HCN1: variants seen among roughly 807,000 people sequenced by gnomAD.
The protein encoded by HCN1 is potassium/sodium hyperpolarization-activated cyclic nucleotide-gated channel 1.
A neutral mutation model predicts 78.9 loss-of-function variants in HCN1; 13 were observed. That is an observed-to-expected ratio of 0.16 (90% CI 0.11 to 0.26). The LOEUF is 0.26. Ranked by LOEUF, HCN1 falls within the 10% of genes least tolerant of loss-of-function variation. HCN1 has a pLI of 1.00. For synonymous variants in HCN1, 552 were observed against 455.5 expected (o/e 1.21, Z -2.70); for missense variants, 810 against 1,154.3 (o/e 0.70, Z 4.32).
intron 4 of HCN1, among the ~76,000 whole-genome samples, chr5:45,374,227 A>ATTATG (rs1747540527): frequency 3.4e-5 from 4 of 118,502 alleles, no homozygotes; most frequent in South Asian, 2.6e-4. Context: ...TGTACATTAT[A>ATTATG]TACATAACAT....
chr5:45,593,338 T>A (rs5001570), intron 2 of HCN1, among the ~76,000 whole-genome samples: 23,208 of 119,002 alleles, frequency 0.2, 1,932 homozygotes, highest in Middle Eastern at 0.29. Context: ...TCTCTCTCTC[T>A]CTCACACACA....
intron 2 of HCN1, among the ~76,000 whole-genome samples, chr5:45,522,965 G>A (rs759031992): frequency 2.0e-5 from 3 of 151,586 alleles, no homozygotes; most frequent in Admixed American, 6.6e-5. Context: ...CCATCAACTC[G>A]TCATTTAGCA....
At chr5:45,649,875 TTTC>T (rs1745644016) in intron 1 of HCN1, among the ~76,000 whole-genome samples, 1 of 152,130 alleles carries the variant, frequency 6.6e-6, no homozygotes, top group African/African-American at 2.4e-5. Flanking sequence ...TAAATAATAA[TTTC>T]TTATTTGTCT....
chr5:45,619,810 G>A lies in HCN1; in HGVS notation c.849+25375C>T, dbSNP rs142562566. Among the ~76,000 whole-genome samples, 761 of 151,970 alleles carry A rather than the reference G, an allele frequency of 5.0e-3. 4 individuals carry two copies. The highest frequency in any genetic ancestry group is 0.018 in the African/African-American group (726 of 41,468). The stretch of plus-strand genomic sequence containing the variant: ...TAATTAATGTGGTGATTTGAACTCA[G>A]GCCCACAAATTCTTTGATATTCCTC... On this transcript the variant is annotated intron_variant, in intron 2 of 7. Coordinates refer to ENST00000303230, the MANE Select transcript of HCN1 (RefSeq NM_021072.4).
chr5:45,598,500 C>T (rs1017415791), intron 2 of HCN1, among the ~76,000 whole-genome samples: 24 of 152,024 alleles, frequency 1.6e-4, no homozygotes, highest in Non-Finnish European at 2.9e-4. Context: ...TCAGGACATA[C>T]GCATGGGCAA....
intron 2 of HCN1, among the ~76,000 whole-genome samples, chr5:45,529,939 G>T (rs925798635): frequency 6.6e-6 from 1 of 152,004 alleles, no homozygotes; most frequent in Non-Finnish European, 1.5e-5. Flanking sequence ...GTATTGTGTG[G>T]TTATTTTAGA....
At chr5:45,677,545 T>C (rs1390963971) in intron 1 of HCN1, among the ~76,000 whole-genome samples, 2 of 151,988 alleles carry the variant, frequency 1.3e-5, no homozygotes, top group Admixed American at 6.6e-5. Context: ...GTGTGTGTTA[T>C]ATTTAAAAAG....
chr5:45,611,250 C>G (rs1204090175), intron 2 of HCN1, among the ~76,000 whole-genome samples: 1 of 110,476 alleles, frequency 9.1e-6, no homozygotes, highest in Admixed American at 9.2e-5. Flanking sequence ...TGAGATTTTT[C>G]TTTTTTTTTT....
At chr5:45,643,990 TAAG>T (rs1745501474) in intron 2 of HCN1, 1 of 152,166 alleles carries the variant, frequency 6.6e-6, no homozygotes, top group Non-Finnish European at 1.5e-5. Flanking sequence ...ATCTATATTT[TAAG>T]AATGATCCAT....
At chr5:45,692,019 G>A (rs748583793) in intron 1 of HCN1, among the ~76,000 whole-genome samples, 16 of 152,190 alleles carry the variant, frequency 1.1e-4, no homozygotes, top group Non-Finnish European at 4.4e-5. Flanking sequence ...GTTATGAGGA[G>A]CAAGATGTTG....
At chr5:45,306,779 T>A (rs537643530) in intron 5 of HCN1, among the ~76,000 whole-genome samples, 3 of 152,236 alleles carry the variant, frequency 2.0e-5, no homozygotes, top group African/African-American at 7.2e-5. Flanking sequence ...GCACTTGTTA[T>A]AATTAGCTCT....
Position 45,453,128 on chromosome 5 carries a change from C to T in HCN1, c.1011+8718G>A, listed in dbSNP as rs570575274. 2.0e-5 allele frequency among the ~76,000 whole-genome samples: 3 copies of T among 152,084 alleles called. No homozygotes were observed. In the East Asian group the frequency reaches 5.8e-4, roughly 29 times the overall value. On this transcript the variant is annotated intron_variant, in intron 3 of 7. Transcript: ENST00000303230. ...AATTATCTGAAAATAGGCAACTTAGCTTACATAATTTAAGTCTATATAAGT... is the reference window on the plus strand; with the variant it reads ...AATTATCTGAAAATAGGCAACTTAGTTTACATAATTTAAGTCTATATAAGT...
At chr5:45,267,462 TTAAA>T (rs1215096891) in intron 6 of HCN1, among the ~76,000 whole-genome samples, 4 of 149,840 alleles carry the variant, frequency 2.7e-5, no homozygotes, top group South Asian at 2.1e-4. Context: ...TTGTTTTGTT[TTAAA>T]AAAAAAAAAA....
chr5:45,392,225 T>C (rs1739581247), intron 4 of HCN1, among the ~76,000 whole-genome samples: 1 of 152,196 alleles, frequency 6.6e-6, no homozygotes, highest in African/African-American at 2.4e-5. Flanking sequence ...GGTGTACCAT[T>C]AGCTTACACA....
At chr5:45,513,096 T>G (rs1309014083) in intron 2 of HCN1, among the ~76,000 whole-genome samples, 3 of 152,086 alleles carry the variant, frequency 2.0e-5, no homozygotes, top group African/African-American at 4.8e-5. Context: ...CATAGGGCGT[T>G]AAGGACACAT....
chr5:45,327,734 C>G (rs957550320), intron 5 of HCN1, among the ~76,000 whole-genome samples: 1 of 150,946 alleles, frequency 6.6e-6, no homozygotes, highest in Non-Finnish European at 1.5e-5. Flanking sequence ...ATAATCCAAT[C>G]TGACTGGCTG....
intron 2 of HCN1, among the ~76,000 whole-genome samples, chr5:45,630,985 T>C (rs1239545613): frequency 6.6e-6 from 1 of 152,138 alleles, no homozygotes; most frequent in Non-Finnish European, 1.5e-5. Context: ...AGCTATATTA[T>C]AAAAACGTAG....
intron 5 of HCN1, among the ~76,000 whole-genome samples, chr5:45,346,953 A>G (rs1561116948): frequency 6.6e-6 from 1 of 152,176 alleles, no homozygotes; most frequent in Non-Finnish European, 1.5e-5. Context: ...GACAAACAAA[A>G]AGACAGCAGT....
At chr5:45,373,003 A>G (rs1054125436) in intron 4 of HCN1, among the ~76,000 whole-genome samples, 2 of 139,010 alleles carry the variant, frequency 1.4e-5, no homozygotes, top group African/African-American at 5.2e-5. Context: ...TAAAAATAAA[A>G]TTATATAAAA....
Sources: allele counts gnomAD v4.1 joint callset (sites outside exome capture counted in the v4.1 genomes callset), GRCh38; gene constraint gnomAD v4.1.1; transcripts MANE v1.5; gene names NCBI Gene and HGNC (gene_info 2026-07-23, HGNC 2026-07-21).